SEM1: variants seen among roughly 807,000 people sequenced by gnomAD.
SEM1 encodes the protein SEM1 26S proteasome subunit, also known as 26S proteasome complex subunit SEM1.
In SEM1, 3 loss-of-function variants were observed where a neutral mutation model predicts 12.7. The ratio of observed to expected loss-of-function variants is 0.24; its 90% CI spans 0.11 to 0.61. The LOEUF (loss-of-function observed/expected upper bound fraction) is 0.61, where lower values mean the gene tolerates loss of function less well. Among genes scored for constraint, SEM1 ranks in the 20% least tolerant of loss-of-function variants. The probability of loss-of-function intolerance (pLI) is 0.88; values close to 1 mark genes in which losing one functional copy is unlikely to be tolerated. For synonymous variants in SEM1, 30 were observed against 27.8 expected (o/e 1.08, Z -0.25); for missense variants, 59 against 81.3 (o/e 0.73, Z 1.06).
chr7:96,693,661 C>T (rs1180795806), intron 2 of SEM1, among the ~76,000 whole-genome samples: 2 of 151,754 alleles, frequency 1.3e-5, no homozygotes, highest in African/African-American at 2.4e-5. Flanking sequence ...CTAGTACGAA[C>T]GCTAGTGAGA....
chr7:96,499,179 A>G (rs1222559766), upstream of SEM1, among the ~76,000 whole-genome samples: 1 of 147,804 alleles, frequency 6.8e-6, no homozygotes, highest in African/African-American at 2.5e-5. Context: ...GTCCATAGTT[A>G]TGTCAAGAAA....
At chr7:96,544,255 A>G (rs1271268438) in intron 2 of SEM1, among the ~76,000 whole-genome samples, 1 of 152,042 alleles carries the variant, frequency 6.6e-6, no homozygotes, top group African/African-American at 2.4e-5. Context: ...TTCCAAATAA[A>G]CTTAATTTTT....
At chr7:96,580,591 G>A (rs199735462) in intron 2 of SEM1, among the ~76,000 whole-genome samples, 18,246 of 151,778 alleles carry the variant, frequency 0.12, 1,168 homozygotes, top group Non-Finnish European at 0.14. Context: ...CACCAACAGT[G>A]TAAAAGTGTT....
intron 2 of SEM1, among the ~76,000 whole-genome samples, chr7:96,518,826 G>A (rs1244937421): frequency 6.6e-6 from 1 of 152,158 alleles, no homozygotes; most frequent in Non-Finnish European, 1.5e-5. Context: ...GTAAGGGAAA[G>A]TTTATAAGCT....
intron 1 of SEM1, among the ~76,000 whole-genome samples, chr7:96,698,298 C>T (rs1790159984): frequency 6.6e-6 from 1 of 152,006 alleles, no homozygotes; most frequent in Non-Finnish European, 1.5e-5. Context: ...GCAGAATGTA[C>T]AGGTCCGTTA....
intron 1 of SEM1, among the ~76,000 whole-genome samples, chr7:96,493,143 T>C (rs1464044608): frequency 6.6e-6 from 1 of 152,134 alleles, no homozygotes; most frequent in Non-Finnish European, 1.5e-5. Flanking sequence ...TTTTGTATTT[T>C]TAGTAGAGAC....
chr7:96,574,928 A>T (rs968755739), intron 2 of SEM1, among the ~76,000 whole-genome samples: 6 of 151,854 alleles, frequency 4.0e-5, no homozygotes, highest in African/African-American at 1.5e-4. Flanking sequence ...AGCTTGGAGG[A>T]GTTTGTTATT....
At chr7:96,557,874 T>A (rs1184741876) in intron 2 of SEM1, among the ~76,000 whole-genome samples, 7 of 152,086 alleles carry the variant, frequency 4.6e-5, no homozygotes, top group Non-Finnish European at 5.9e-5. Context: ...CCGAGCCAGG[T>A]GTGGGATATA....
chr7:96,521,392 A>G (rs1256476129), intron 2 of SEM1, among the ~76,000 whole-genome samples: 1 of 152,136 alleles, frequency 6.6e-6, no homozygotes, highest in Non-Finnish European at 1.5e-5. Context: ...TACAAGCCAC[A>G]CCACAAATAC....
At chr7:96,709,112 G>A (rs1373022404) in intron 1 of SEM1, among the ~76,000 whole-genome samples, 1 of 152,068 alleles carries the variant, frequency 6.6e-6, no homozygotes, top group Non-Finnish European at 1.5e-5. Flanking sequence ...ACCACACCCG[G>A]CAAGTTTTAG....
intron 2 of SEM1, among the ~76,000 whole-genome samples, chr7:96,595,584 A>G (rs1304215178): frequency 6.6e-6 from 1 of 152,210 alleles, no homozygotes; most frequent in Non-Finnish European, 1.5e-5. Context: ...AGTAAGAACA[A>G]CAGCATTATA....
At chr7:96,500,304 T>C (rs1803476395), upstream of SEM1, among the ~76,000 whole-genome samples, 1 of 152,054 alleles carries the variant, frequency 6.6e-6, no homozygotes, top group Non-Finnish European at 1.5e-5. Flanking sequence ...CAGGTGGCTC[T>C]CTGGGCCAAG....
At chr7:96,586,352 C>T (rs1486171708) in intron 2 of SEM1, among the ~76,000 whole-genome samples, 1 of 152,104 alleles carries the variant, frequency 6.6e-6, no homozygotes, top group Non-Finnish European at 1.5e-5. Context: ...CATGTCCCAG[C>T]AAAGAAGATA....
intron 2 of SEM1, among the ~76,000 whole-genome samples, chr7:96,559,703 A>AC (rs1211035452): frequency 6.6e-6 from 1 of 152,248 alleles, no homozygotes; most frequent in Non-Finnish European, 1.5e-5. Flanking sequence ...ACTAGAGCTC[A>AC]CCCATATCTT....
intron 1 of SEM1, among the ~76,000 whole-genome samples, chr7:96,700,532 A>G (rs1790238379): frequency 6.6e-6 from 1 of 152,004 alleles, no homozygotes; most frequent in Non-Finnish European, 1.5e-5. Context: ...TCCTTTTCCC[A>G]TTTAGTTGAA....
rs57064339 is a variant in SEM1 at position 96,540,800 on chromosome 7, A to G, written c.171-34102T>C. Reference sequence around the variant, plus strand: ...GCCATCTTTATTCCATGAGTACCCAATGTTTAGCTCCCACTTATAAGTGAG... The same window carrying G: ...GCCATCTTTATTCCATGAGTACCCAGTGTTTAGCTCCCACTTATAAGTGAG... On this transcript the variant is annotated intron_variant and NMD_transcript_variant, in intron 2 of 3. Transcript: ENST00000466986. Among the ~76,000 whole-genome samples the G allele has an allele frequency of 3.6e-3, 549 of 151,732 alleles. 6 individuals carry two copies. Among genetic ancestry groups the G allele is most frequent in the African/African-American group, 0.012 (510 of 41,448 alleles).
intron 2 of SEM1, among the ~76,000 whole-genome samples, chr7:96,545,592 T>C (rs911285104): frequency 6.6e-6 from 1 of 152,130 alleles, no homozygotes; most frequent in Non-Finnish European, 1.5e-5. Flanking sequence ...TTTTCAATGC[T>C]TGGCAAATAC....
intron 2 of SEM1, among the ~76,000 whole-genome samples, chr7:96,613,359 A>G (rs976659027): frequency 6.6e-6 from 1 of 152,338 alleles, no homozygotes; most frequent in Admixed American, 6.5e-5. Context: ...ATTACATTAA[A>G]GAAAACCTAT....
At chr7:96,616,595 C>T (rs1319299269) in intron 2 of SEM1, among the ~76,000 whole-genome samples, 1 of 151,912 alleles carries the variant, frequency 6.6e-6, no homozygotes, top group Non-Finnish European at 1.5e-5. Flanking sequence ...GCATTTGCTT[C>T]TGGGTACTTA....
Sources: allele counts gnomAD v4.1 joint callset (sites outside exome capture counted in the v4.1 genomes callset), GRCh38; gene constraint gnomAD v4.1.1; transcripts MANE v1.5; gene names NCBI Gene and HGNC (gene_info 2026-07-23, HGNC 2026-07-21).